The following SLC43A2 variants were observed in gnomAD, a reference collection of about 807,000 sequenced individuals.
SLC43A2 encodes large neutral amino acids transporter small subunit 4.
In SLC43A2, 38 loss-of-function variants were observed where a neutral mutation model predicts 63.2. The observed-to-expected ratio is 0.60, with a 90% CI of 0.46 to 0.79. SLC43A2 has a LOEUF of 0.79. Ranked by LOEUF, SLC43A2 falls within the 30% of genes least tolerant of loss-of-function variation. The pLI, the probability that SLC43A2 is intolerant of heterozygous loss-of-function variation, is 0.00. For synonymous variants in SLC43A2, 322 were observed against 331.0 expected (o/e 0.97, Z 0.30); for missense variants, 644 against 756.2 (o/e 0.85, Z 1.74).
chr17:1,625,843 G>C (rs1908614724), intron 2 of SLC43A2, among the ~76,000 whole-genome samples: 1 of 152,148 alleles, frequency 6.6e-6, no homozygotes, highest in Admixed American at 6.5e-5. Flanking sequence ...TACCTGTCAA[G>C]TCTGCCCAGG....
chr17:1,588,130 G>A (rs1259420515), intron 9 of SLC43A2, among the ~76,000 whole-genome samples: 3 of 152,260 alleles, frequency 2.0e-5, no homozygotes, highest in African/African-American at 7.2e-5. Context: ...TGGGCATCGT[G>A]GCTCACGCCT....
intron 5 of SLC43A2, among the ~76,000 whole-genome samples, chr17:1,602,514 C>T (rs1283475270): frequency 6.6e-6 from 1 of 151,816 alleles, no homozygotes; most frequent in Non-Finnish European, 1.5e-5. Context: ...GACATGGTGG[C>T]AGGCACCTGT....
At chr17:1,614,103 C>A (rs919972605) in intron 4 of SLC43A2, among the ~76,000 whole-genome samples, 1 of 152,056 alleles carries the variant, frequency 6.6e-6, no homozygotes, top group Non-Finnish European at 1.5e-5. Context: ...ATTAGCCAGG[C>A]GTGGTGGCGG....
intron 5 of SLC43A2, among the ~76,000 whole-genome samples, chr17:1,607,011 G>A (rs1458210958): frequency 6.6e-6 from 1 of 152,198 alleles, no homozygotes; most frequent in East Asian, 1.9e-4. Flanking sequence ...TGCCCGCTTG[G>A]AGCCCCCTCT....
chr17:1,584,136 A>T (rs563132752), intron 10 of SLC43A2, among the ~76,000 whole-genome samples: 1 of 151,344 alleles, frequency 6.6e-6, no homozygotes, highest in African/African-American at 2.4e-5. Flanking sequence ...CTTGTGATCC[A>T]CCCGCCTTGG....
intron 5 of SLC43A2, chr17:1,604,841 G>C: frequency 6.5e-7 from 1 of 1,535,698 alleles, no homozygotes; most frequent in Non-Finnish European, 8.7e-7. Context: ...CTGACATCTG[G>C]GTCACTCCCC....
At chr17:1,595,083 T>C (rs1285057551) in intron 5 of SLC43A2, among the ~76,000 whole-genome samples, 2 of 151,286 alleles carry the variant, frequency 1.3e-5, no homozygotes, top group Non-Finnish European at 2.9e-5. Context: ...GAATTCGAGA[T>C]CAGCCTGGCA....
chr17:1,603,592 T>A (rs904939820), intron 5 of SLC43A2, among the ~76,000 whole-genome samples: 1 of 152,094 alleles, frequency 6.6e-6, no homozygotes, highest in Non-Finnish European at 1.5e-5. Flanking sequence ...GAGACCAGCC[T>A]GGCCAATACG....
Position 1,583,415 on chromosome 17 carries a change from C to T in SLC43A2, c.1218-79G>A, listed in dbSNP as rs1215986020. ...TGCTCCTGAGAAGTCAGGCCTCAAG[C>T]GTCGCAGCAGGTAAACTGACGCAAG... On this transcript the variant is annotated intron_variant, in intron 10 of 13. Transcript: ENST00000301335. The surrounding 1 kb of genome is among the most constrained non-coding windows in gnomAD (Gnocchi z 5.5). 82 of 1,585,346 alleles carry T rather than the reference C, an allele frequency of 5.2e-5. No homozygotes were observed. The highest frequency in any genetic ancestry group is 6.5e-5 in the Non-Finnish European group (76 of 1,163,558).
chr17:1,604,871 C>T, intron 5 of SLC43A2: 1 of 1,535,598 alleles, frequency 6.5e-7, no homozygotes, highest in Non-Finnish European at 8.7e-7. Context: ...CTCTCGCTCA[C>T]TCCGTCCCCA....
rs1036153678 is a variant in SLC43A2, at chr17:1,593,450, C to T, written c.502-171G>A. Among the ~76,000 whole-genome samples the T allele has an allele frequency of 2.0e-5, 3 of 152,144 alleles. No homozygotes were observed. The highest frequency in any genetic ancestry group is 7.2e-5 in the African/African-American group (3 of 41,422). ...AATGACCGCTCACTGAAGGTTTCTC[C>T]TTCATGGACTGAGGCTGATGGGGCC... On this transcript the variant is annotated intron_variant, in intron 5 of 13. Coordinates refer to ENST00000301335, the MANE Select transcript of SLC43A2 (RefSeq NM_152346.3). The surrounding 1 kb of genome is among the most constrained non-coding windows in gnomAD (Gnocchi z 5.3).
chr17:1,628,087 C>T, intron 1 of SLC43A2, 167 bp from the exon 2 acceptor site: 1 of 615,206 alleles, frequency 1.6e-6, no homozygotes, highest in Non-Finnish European at 2.3e-6. Flanking sequence ...GGACCTGGGA[C>T]ACCCCGAGCC....
chr17:1,587,942 G>A (rs1461873829), intron 9 of SLC43A2, among the ~76,000 whole-genome samples: 2 of 152,282 alleles, frequency 1.3e-5, no homozygotes, highest in South Asian at 4.1e-4. Flanking sequence ...AAGCACTGTT[G>A]GCCCTGGACT....
intron 5 of SLC43A2, among the ~76,000 whole-genome samples, chr17:1,607,082 G>A (rs1343980758): frequency 6.6e-6 from 1 of 152,040 alleles, no homozygotes; most frequent in Non-Finnish European, 1.5e-5. Context: ...CACAGCCCAT[G>A]CAGCACAAAG....
chr17:1,583,277 C>T lies in SLC43A2; in HGVS notation c.1277G>A (p.Arg426Gln), dbSNP rs1384865398. The change falls in exon 11 of 14, where the codon CGG (arginine) becomes CAG (glutamine). Residue 426 changes from arginine (R) to glutamine (Q), a missense_variant. Arg to Gln is a conservative substitution (Grantham distance 43). Transcript: ENST00000301335. This position sits in a 1 kb window ranked among gnomAD's most constrained non-coding sequence, Gnocchi z 5.5. Reference sequence around the variant, plus strand: ...CAGCAGGTTGGTGAAGGCGAAGGCCCGCATGGCATTAGTGATCTTCTGGAT... The same window carrying T: ...CAGCAGGTTGGTGAAGGCGAAGGCCTGCATGGCATTAGTGATCTTCTGGAT... ...RQIQKITNAM[R>Q]AFAFTNLLLV... 6.2e-6 allele frequency: 10 copies of T among 1,614,046 alleles called. No individual in the cohort carries two copies. The highest frequency in any genetic ancestry group is 3.3e-5 in the South Asian group (3 of 91,086).
At position 1,585,599 on chromosome 17, in the gene SLC43A2, G is replaced by A. The variant is rs1020517511; in HGVS notation, c.1217+314C>T. On this transcript the variant is annotated intron_variant, in intron 10 of 13. Transcript: ENST00000301335. ...AGTGGGGGCTGGCCATGTTTCCCAG[G>A]CTGGTCTCCAACTCCTGGCCTCAAG... 3.7e-5 allele frequency: 41 copies of A among 1,109,626 alleles called. No homozygotes were observed. The African/African-American group carries it at 5.9e-4, about 16-fold the overall frequency. The allele number at this position is 1,109,626 out of a possible 1,614,324, so 68.7% of individuals were successfully genotyped here.
At chr17:1,579,579 C>T (rs929837297) in intron 11 of SLC43A2, among the ~76,000 whole-genome samples, 4 of 152,198 alleles carry the variant, frequency 2.6e-5, no homozygotes, top group East Asian at 1.9e-4. Context: ...GTGGCTCACA[C>T]CTGTAATCCC....
rs78331739 is a variant in SLC43A2 at position 1,606,337 on chromosome 17, C to G, written c.501+6858G>C. 7.0e-3 allele frequency among the ~76,000 whole-genome samples: 1,071 copies of G among 152,302 alleles called. 8 individuals carry two copies. Among genetic ancestry groups the G allele is most frequent in the Middle Eastern group, 0.014 (4 of 294 alleles). On this transcript the variant is annotated intron_variant, in intron 5 of 13. Transcript: ENST00000301335. This position sits in a 1 kb window ranked among gnomAD's most constrained non-coding sequence, Gnocchi z 4.7. Reference sequence around the variant, plus strand: ...AGGGATGTTTATCCTCTTCACTTCCCTCAGATCCCACCTCCCATGAAATCA... The same window carrying G: ...AGGGATGTTTATCCTCTTCACTTCCGTCAGATCCCACCTCCCATGAAATCA...
chr17:1,626,294 A>C (rs1029946362), intron 2 of SLC43A2, among the ~76,000 whole-genome samples: 1 of 151,906 alleles, frequency 6.6e-6, no homozygotes, highest in East Asian at 1.9e-4. Context: ...AAACACTCCA[A>C]CCTGTGCCTT....
Sources: gnomAD v4.1 joint callset for allele counts (sites outside exome capture counted in the v4.1 genomes callset) on GRCh38, gnomAD v4.1.1 for gene constraint, Gnocchi (gnomAD v3.1) non-coding constraint, MANE v1.5 for transcripts, NCBI Gene and HGNC (gene_info 2026-07-23, HGNC 2026-07-21) for gene names.